The following DISC1 variants were observed in gnomAD, a reference collection of about 807,000 sequenced individuals.
DISC1 encodes disrupted in schizophrenia 1 protein.
DISC1 carries 57 observed loss-of-function variants against 84.5 expected under a neutral mutation model. That is an observed-to-expected ratio of 0.67 (90% confidence interval 0.55 to 0.84). The LOEUF (loss-of-function observed/expected upper bound fraction) is 0.84, where lower values mean the gene tolerates loss of function less well. DISC1 is among the 40% of genes least tolerant of loss of function. DISC1 has a pLI of 0.00. For synonymous variants in DISC1, 411 were observed against 415.2 expected (o/e 0.99, Z 0.12); for missense variants, 1,000 against 1,057.8 (o/e 0.95, Z 0.76).
chr1:231,783,095 C>T (rs4658945), intron 6 of DISC1, among the ~76,000 whole-genome samples: 90,760 of 151,940 alleles, frequency 0.6, 27,543 homozygotes, highest in Admixed American at 0.67. Context: ...CTTTGGATCA[C>T]GTAACAGAAT....
rs970093693 is a variant in DISC1 at position 231,698,686 on chromosome 1, G to C, written c.1048-3269G>C. 6.6e-6 allele frequency among the ~76,000 whole-genome samples: 1 copy of C among 152,142 alleles called. No homozygotes were observed. The highest frequency in any genetic ancestry group is 2.4e-5 in the African/African-American group (1 of 41,432). On this transcript the variant is annotated intron_variant, in intron 2 of 12. Transcript: ENST00000439617. This position sits in a 1 kb window ranked among gnomAD's most constrained non-coding sequence, Gnocchi z 4.9. ...GTAAATGAATTTTTTTCCTGACCTTGTTTCCTGCATTTCTTCAGCTTCTGT... is the reference window on the plus strand; with the variant it reads ...GTAAATGAATTTTTTTCCTGACCTTCTTTCCTGCATTTCTTCAGCTTCTGT...
rs552488481 is a variant in DISC1, at chr1:231,981,572, C to T, written c.2042+22684C>T. On this transcript the variant is annotated intron_variant, in intron 10 of 12. Coordinates refer to ENST00000439617, the MANE Select transcript of DISC1 (RefSeq NM_018662.3). The stretch of plus-strand genomic sequence containing the variant: ...AGAGAATGATGGAGCTTACATATTT[C>T]CTTTGATAAGATGAAGAAATGAAAA... Among the ~76,000 whole-genome samples the T allele has an allele frequency of 2.0e-5, 3 of 152,234 alleles. No individual in the cohort carries two copies. In the South Asian group the frequency reaches 6.2e-4, roughly 32 times the overall value.
At chr1:231,885,418 G>A (rs975755389) in intron 9 of DISC1, among the ~76,000 whole-genome samples, 1 of 152,178 alleles carries the variant, frequency 6.6e-6, no homozygotes, top group African/African-American at 2.4e-5. Context: ...GTGAGGGAAG[G>A]AGTGTGATAG....
At chr1:231,952,778 T>G (rs1402960376) in intron 9 of DISC1, among the ~76,000 whole-genome samples, 1 of 151,250 alleles carries the variant, frequency 6.6e-6, no homozygotes, top group Non-Finnish European at 1.5e-5. Flanking sequence ...ATACTAGTAA[T>G]GTTCTTCCCT....
At chr1:231,642,267 C>G (rs115464161) in intron 1 of DISC1, among the ~76,000 whole-genome samples, 3 of 152,204 alleles carry the variant, frequency 2.0e-5, no homozygotes, top group East Asian at 1.9e-4. Flanking sequence ...GCGCAGCCCC[C>G]GGTTCCCGCC....
chr1:231,641,186 T>G (rs894105968), intron 1 of DISC1, among the ~76,000 whole-genome samples: 1 of 152,206 alleles, frequency 6.6e-6, no homozygotes, highest in African/African-American at 2.4e-5. Context: ...GTGTCCGGAA[T>G]TGGTGGGTTC....
At chr1:231,734,026 TGGTGATG>T (rs1439798500) in intron 3 of DISC1, among the ~76,000 whole-genome samples, 2 of 151,782 alleles carry the variant, frequency 1.3e-5, no homozygotes, top group Admixed American at 1.3e-4. Context: ...TTGGTGGTGT[TGGTGATG>T]GTGGGAATGT....
intron 9 of DISC1, among the ~76,000 whole-genome samples, chr1:231,894,071 G>T (rs1482152956): frequency 1.3e-5 from 2 of 152,310 alleles, no homozygotes; most frequent in East Asian, 3.9e-4. Flanking sequence ...GAAGGGAGAA[G>T]TAGAAGTGTT....
chr1:231,637,833 T>C (rs1231660252), intron 1 of DISC1, among the ~76,000 whole-genome samples: 1 of 152,254 alleles, frequency 6.6e-6, no homozygotes, highest in East Asian at 1.9e-4. Flanking sequence ...GATACATTGA[T>C]TTATTTTCCT....
intron 10 of DISC1, among the ~76,000 whole-genome samples, chr1:231,973,500 G>A (rs1662329941): frequency 6.6e-6 from 1 of 152,186 alleles, no homozygotes; most frequent in Admixed American, 6.5e-5. Context: ...CCTTCAAATT[G>A]ACCACATCAC....
chr1:231,995,518 G>C (rs1665818762), intron 10 of DISC1, among the ~76,000 whole-genome samples: 1 of 151,694 alleles, frequency 6.6e-6, no homozygotes, highest in Non-Finnish European at 1.5e-5. Context: ...AGTCCCCAGA[G>C]TGTGATGTTC....
At chr1:232,020,355 T>G (rs1668851550) in intron 11 of DISC1, among the ~76,000 whole-genome samples, 1 of 151,834 alleles carries the variant, frequency 6.6e-6, no homozygotes, top group African/African-American at 2.4e-5. Flanking sequence ...AATAAATAAA[T>G]AAATAAAAAA....
intron 11 of DISC1, among the ~76,000 whole-genome samples, chr1:232,021,563 T>G (rs2103030053): frequency 6.6e-6 from 1 of 152,314 alleles, no homozygotes; most frequent in African/African-American, 2.4e-5. Context: ...GCATTAGCAC[T>G]TTAGTGAGCT....
Position 231,694,417 on chromosome 1 carries a change from C to T in DISC1, c.659C>T (p.Ala220Val), listed in dbSNP as rs746525075. The T allele has an allele frequency of 4.3e-6, 7 of 1,614,252 alleles. No homozygotes were observed. In the South Asian group the frequency reaches 4.4e-5, roughly 10 times the overall value. ...FSFIRLSLGSAGERGEAEGCP... is the reference protein window; with the variant it reads ...FSFIRLSLGSVGERGEAEGCP... ...TTTATTCGGCTCTCGCTTGGCTCTGCCGGGGAACGTGGAGAAGCAGAAGGC... is the reference window on the plus strand; with the variant it reads ...TTTATTCGGCTCTCGCTTGGCTCTGTCGGGGAACGTGGAGAAGCAGAAGGC... The change falls in exon 2 of 13, where the codon GCC becomes GTC. Residue 220 changes from alanine (A) to valine (V), a missense_variant. By Grantham distance (64) the Ala-to-Val change is moderately conservative. Transcript: ENST00000439617.
At position 232,009,076 on chromosome 1, in the gene DISC1, A is replaced by T; in HGVS notation, c.2307+27A>T. ...TCTGTCCTTTTCACATGGCCTCCAG[A>T]GGGGACCCTTATTCTAAGGGGTGCT... On this transcript the variant is annotated intron_variant, in intron 11 of 12. Coordinates refer to ENST00000439617, the MANE Select transcript of DISC1 (RefSeq NM_018662.3). The surrounding 1 kb of genome is among the most constrained non-coding windows in gnomAD (Gnocchi z 4.6). The T allele has an allele frequency of 6.2e-7, 1 of 1,613,508 alleles. No individual in the cohort carries two copies. Among genetic ancestry groups the T allele is most frequent in the Non-Finnish European group, 8.5e-7 (1 of 1,179,710 alleles).
In DISC1 at chr1:232,032,455, C is replaced by T. The variant is rs1204753159; in HGVS notation, c.2426-4237C>T. On this transcript the variant is annotated intron_variant, in intron 12 of 12. Transcript: ENST00000439617. ...CTTACTCCTTTGCTAATTGCAAACACAGACATTTTAACAAGTTACATGCTT... is the reference window on the plus strand; with the variant it reads ...CTTACTCCTTTGCTAATTGCAAACATAGACATTTTAACAAGTTACATGCTT... Among the ~76,000 whole-genome samples, 4 of 152,320 alleles carry T rather than the reference C, an allele frequency of 2.6e-5. 1 individual carries two copies. Among genetic ancestry groups the T allele is most frequent in the African/African-American group, 7.2e-5 (3 of 41,580 alleles).
chr1:231,811,221 A>G (rs1203707242), intron 8 of DISC1, among the ~76,000 whole-genome samples: 1 of 152,244 alleles, frequency 6.6e-6, no homozygotes. Flanking sequence ...AGAAATGCAC[A>G]ACCCTGACAG....
intron 9 of DISC1, among the ~76,000 whole-genome samples, chr1:231,835,945 C>G (rs1191610640): frequency 6.6e-6 from 1 of 152,216 alleles, no homozygotes; most frequent in Non-Finnish European, 1.5e-5. Flanking sequence ...TATTTCCACT[C>G]TGTGTATTAA....
At position 231,988,739 on chromosome 1, in the gene DISC1, G is replaced by A. The variant is rs115772742; in HGVS notation, c.2043-20046G>A. Among the ~76,000 whole-genome samples the A allele has an allele frequency of 4.4e-3, 674 of 152,272 alleles. 2 individuals carry two copies. Among genetic ancestry groups the A allele is most frequent in the Non-Finnish European group, 7.6e-3 (519 of 68,024 alleles). On this transcript the variant is annotated intron_variant, in intron 10 of 12. Coordinates refer to ENST00000439617, the MANE Select transcript of DISC1 (RefSeq NM_018662.3). ...TATGGCATTTTTATTATAGCAACTGGAACAGACTAAGACAGAATCCCATAA... is the reference window on the plus strand; with the variant it reads ...TATGGCATTTTTATTATAGCAACTGAAACAGACTAAGACAGAATCCCATAA...
Sources: gnomAD v4.1 joint callset for allele counts (sites outside exome capture counted in the v4.1 genomes callset) on GRCh38, gnomAD v4.1.1 for gene constraint, Gnocchi (gnomAD v3.1) non-coding constraint, MANE v1.5 for transcripts, NCBI Gene and HGNC (gene_info 2026-07-23, HGNC 2026-07-21) for gene names.